OLFM3: variants seen among roughly 807,000 people sequenced by gnomAD.
The protein encoded by OLFM3 is noelin-3.
In OLFM3, 20 loss-of-function variants were observed where a neutral mutation model predicts 48.6. The observed-to-expected ratio is 0.41, with a 90% CI of 0.29 to 0.60. The LOEUF is 0.60. OLFM3 is among the 20% of genes least tolerant of loss of function. The pLI is 0.28. For synonymous variants in OLFM3, 222 were observed against 198.1 expected, an observed-to-expected ratio of 1.12 and a Z score of -1.01; for missense variants, 437 against 544.3, an observed-to-expected ratio of 0.80 and a Z score of 1.96.
intron 1 of OLFM3, among the ~76,000 whole-genome samples, chr1:101,871,594 C>T (rs1208513888): frequency 6.6e-6 from 1 of 151,998 alleles, no homozygotes; most frequent in Non-Finnish European, 1.5e-5. Flanking sequence ...TGAGAACTTT[C>T]ATGTATTTTA....
rs538620518 is a variant in OLFM3, at chr1:101,829,520, C to T, written c.372+1152G>A. Among the ~76,000 whole-genome samples, 332 of 152,332 alleles carry T rather than the reference C, an allele frequency of 2.2e-3. 1 individual carries two copies. Among genetic ancestry groups the T allele is most frequent in the African/African-American group, 7.8e-3 (324 of 41,582 alleles). On this transcript the variant is annotated intron_variant, in intron 3 of 5. Transcript: ENST00000370103. ...TCTCTACTCAGTCTCTGGAGTACCA[C>T]TGAAGAAAATTACAAAACCATGAAA...
chr1:101,849,864 A>C (rs1656156168), intron 1 of OLFM3, among the ~76,000 whole-genome samples: 2 of 152,208 alleles, frequency 1.3e-5, no homozygotes, highest in Non-Finnish European at 2.9e-5. Flanking sequence ...AGGTAGAAGC[A>C]TAACTTTATG....
At chr1:101,830,143 T>C (rs1026105815) in intron 3 of OLFM3, among the ~76,000 whole-genome samples, 6 of 152,144 alleles carry the variant, frequency 3.9e-5, no homozygotes, top group Non-Finnish European at 7.4e-5. Flanking sequence ...CGGCCGAGTT[T>C]TTTCTTAAAA....
intron 1 of OLFM3, among the ~76,000 whole-genome samples, chr1:101,986,409 C>T (rs1661241050): frequency 1.3e-5 from 2 of 152,132 alleles, no homozygotes; most frequent in Admixed American, 6.5e-5. Flanking sequence ...GGCCATACAA[C>T]TAGATAATTA....
intron 1 of OLFM3, among the ~76,000 whole-genome samples, chr1:101,968,156 A>G (rs945643): frequency 0.99 from 151,488 of 152,252 alleles, 75,369 homozygotes; most frequent in Middle Eastern, 1. Flanking sequence ...TAGAATGAAC[A>G]GCACATAACT....
chr1:101,844,229 A>G (rs1470496517), intron 1 of OLFM3, among the ~76,000 whole-genome samples: 4 of 152,190 alleles, frequency 2.6e-5, no homozygotes, highest in African/African-American at 9.7e-5. Context: ...TTCTTTATAA[A>G]TGCAAAACCT....
intron 1 of OLFM3, among the ~76,000 whole-genome samples, chr1:101,990,708 G>A (rs1477037421): frequency 6.6e-6 from 1 of 151,832 alleles, no homozygotes; most frequent in African/African-American, 2.4e-5. Context: ...CATGGTGGCC[G>A]GGCGCGGTGG....
At chr1:101,813,155 G>T (rs765537997) in intron 4 of OLFM3, 1 of 1,218,788 alleles carries the variant, frequency 8.2e-7, no homozygotes, top group African/African-American at 1.6e-5. Context: ...AACTGGAAAG[G>T]AAATTTAAAG....
At chr1:101,914,116 A>G (rs546267442) in intron 1 of OLFM3, among the ~76,000 whole-genome samples, 1 of 152,294 alleles carries the variant, frequency 6.6e-6, no homozygotes, top group Admixed American at 6.5e-5. Flanking sequence ...GGGGACATGC[A>G]TAATTAATTA....
At chr1:101,929,998 C>T (rs905817398) in intron 1 of OLFM3, among the ~76,000 whole-genome samples, 3 of 151,790 alleles carry the variant, frequency 2.0e-5, no homozygotes, top group Non-Finnish European at 4.4e-5. Flanking sequence ...TGTGCAGAAA[C>T]CACATAAATT....
At chr1:101,819,678 C>T (rs1014174282) in intron 4 of OLFM3, among the ~76,000 whole-genome samples, 17 of 151,708 alleles carry the variant, frequency 1.1e-4, no homozygotes, top group Non-Finnish European at 5.9e-5. Flanking sequence ...TGGTTCTAGT[C>T]ATTAAATTAA....
chr1:101,960,975 A>AAG lies in OLFM3; in HGVS notation c.69+35771_69+35772dup, dbSNP rs1484853259. On this transcript the variant is annotated intron_variant, in intron 1 of 5. Coordinates refer to ENST00000370103, the MANE Select transcript of OLFM3 (RefSeq NM_058170.4). ...AGTGTTTAGTACTTAAATAAGTCTT[A>AAG]AGCTTAAGAATAAGTTGAACAGAAA... is the stretch of plus-strand genomic sequence containing the variant. Among the ~76,000 whole-genome samples, 507 of 152,272 alleles carry AAG rather than the reference A, an allele frequency of 3.3e-3. 6 individuals carry two copies. Among genetic ancestry groups the AAG allele is most frequent in the African/African-American group, 0.012 (493 of 41,556 alleles).
At chr1:101,940,027 T>A (rs1659739018) in intron 1 of OLFM3, among the ~76,000 whole-genome samples, 1 of 152,164 alleles carries the variant, frequency 6.6e-6, no homozygotes, top group African/African-American at 2.4e-5. Context: ...TTCATCTCAA[T>A]TTGATTTAAA....
chr1:101,849,668 A>C (rs1656148879), intron 1 of OLFM3, among the ~76,000 whole-genome samples: 2 of 152,310 alleles, frequency 1.3e-5, no homozygotes, highest in Non-Finnish European at 2.9e-5. Flanking sequence ...CGGTTTGGGC[A>C]AGAGATGATG....
intron 1 of OLFM3, among the ~76,000 whole-genome samples, chr1:101,907,111 A>G (rs1382361190): frequency 6.6e-6 from 1 of 152,178 alleles, no homozygotes; most frequent in Non-Finnish European, 1.5e-5. Context: ...GTGCTCTTAG[A>G]CCAGGTTTCC....
intron 1 of OLFM3, among the ~76,000 whole-genome samples, chr1:101,954,018 C>G (rs1660219853): frequency 6.6e-6 from 1 of 152,024 alleles, no homozygotes; most frequent in South Asian, 2.1e-4. Flanking sequence ...TTTTCTTGAT[C>G]TTTATGAATC....
rs1653739196 is a variant in OLFM3 at position 101,805,730 on chromosome 1, G to A, written c.699+346C>T. Among the ~76,000 whole-genome samples the A allele has an allele frequency of 5.9e-5, 9 of 151,774 alleles. No individual in the cohort carries two copies. In the South Asian group the frequency reaches 1.7e-3, roughly 28 times the overall value. On this transcript the variant is annotated intron_variant, in intron 5 of 5. Transcript: ENST00000370103. Reference sequence around the variant, plus strand: ...GAACATATTTTAGAAAGAGTAGGCAGGGAAGTTTGCCCTTGAGTTTTTCAC... The same window carrying A: ...GAACATATTTTAGAAAGAGTAGGCAAGGAAGTTTGCCCTTGAGTTTTTCAC...
chr1:101,817,910 C>T (rs1049485671), intron 4 of OLFM3, among the ~76,000 whole-genome samples: 1 of 151,772 alleles, frequency 6.6e-6, no homozygotes, highest in African/African-American at 2.4e-5. Flanking sequence ...CATGTCTAGC[C>T]TTATGAGTTA....
chr1:101,819,157 G>A (rs1654479457), intron 4 of OLFM3, among the ~76,000 whole-genome samples: 1 of 152,084 alleles, frequency 6.6e-6, no homozygotes, highest in Non-Finnish European at 1.5e-5. Flanking sequence ...TAGTTAAAGT[G>A]GGAAGGAAGG....
Sources: allele counts gnomAD v4.1 joint callset (sites outside exome capture counted in the v4.1 genomes callset), GRCh38; gene constraint gnomAD v4.1.1; transcripts MANE v1.5; gene names NCBI Gene and HGNC (gene_info 2026-07-23, HGNC 2026-07-21).